The following ADARB2 variants were observed in gnomAD, a reference collection of about 807,000 sequenced individuals.
The protein encoded by ADARB2 is inactive double-stranded RNA-specific editase B2.
ADARB2 carries 25 observed loss-of-function variants against 62.2 expected under a neutral mutation model. The observed-to-expected ratio is 0.40, with a 90% CI of 0.29 to 0.56. The LOEUF (loss-of-function observed/expected upper bound fraction) is 0.56, where lower values mean the gene tolerates loss of function less well. Ranked by LOEUF, ADARB2 falls within the 20% of genes least tolerant of loss-of-function variation. ADARB2 has a pLI of 0.43. For synonymous variants in ADARB2, 572 were observed against 500.8 expected (o/e 1.14, Z -1.90); for missense variants, 1,071 against 1,077.4 (o/e 0.99, Z 0.08).
In ADARB2 at chr10:1,255,365, A is replaced by G. The variant is rs1032139935; in HGVS notation, c.1193-13066T>C. Among the ~76,000 whole-genome samples, 4 of 152,210 alleles carry G rather than the reference A, an allele frequency of 2.6e-5. No individual in the cohort carries two copies. The highest frequency in any genetic ancestry group is 9.6e-5 in the African/African-American group (4 of 41,460). ...TCGTCAGTGCAGCTGACGCTCACCA[A>G]GCCTTCTGTGCCAGGCACATGTGAG... On this transcript the variant is annotated intron_variant, in intron 4 of 9. Transcript: ENST00000381312. The surrounding 1 kb of genome is among the most constrained non-coding windows in gnomAD (Gnocchi z 4.7).
At chr10:1,485,393 C>A (rs957020587) in intron 1 of ADARB2, among the ~76,000 whole-genome samples, 3 of 152,048 alleles carry the variant, frequency 2.0e-5, no homozygotes, top group Admixed American at 2.0e-4. Context: ...TAGATCTCTA[C>A]CTAAGAGGCA....
chr10:1,553,711 G>A (rs893002431), intron 1 of ADARB2, among the ~76,000 whole-genome samples: 1 of 152,160 alleles, frequency 6.6e-6, no homozygotes, highest in African/African-American at 2.4e-5. Context: ...ATGCTTTTGA[G>A]AGCACTGCCA....
chr10:1,603,525 G>A (rs530149883), intron 1 of ADARB2, among the ~76,000 whole-genome samples: 1 of 152,022 alleles, frequency 6.6e-6, no homozygotes, highest in South Asian at 2.1e-4. Context: ...TGATTAGAAC[G>A]ATTTCCTTGG....
At chr10:1,253,798 C>T (rs866003407) in intron 4 of ADARB2, among the ~76,000 whole-genome samples, 2 of 152,096 alleles carry the variant, frequency 1.3e-5, no homozygotes, top group Non-Finnish European at 2.9e-5. Context: ...CCACTGGCCA[C>T]GTAAAGGAGG....
intron 1 of ADARB2, among the ~76,000 whole-genome samples, chr10:1,532,861 T>A (rs1397265677): frequency 6.6e-6 from 1 of 152,068 alleles, no homozygotes; most frequent in East Asian, 1.9e-4. Context: ...CTCCAGGAAC[T>A]TAAATCTTGA....
At chr10:1,554,689 C>T (rs1832675754) in intron 1 of ADARB2, among the ~76,000 whole-genome samples, 1 of 152,160 alleles carries the variant, frequency 6.6e-6, no homozygotes, top group Admixed American at 6.5e-5. Context: ...CCTGTTTTGC[C>T]TCTTATTTCT....
chr10:1,493,678 T>C (rs1831649872), intron 1 of ADARB2, among the ~76,000 whole-genome samples: 1 of 144,512 alleles, frequency 6.9e-6, no homozygotes, highest in African/African-American at 2.6e-5. Flanking sequence ...ATGTGCAAAG[T>C]AGAGATGGAA....
intron 1 of ADARB2, among the ~76,000 whole-genome samples, chr10:1,493,318 T>G (rs986247985): frequency 1.3e-5 from 2 of 152,268 alleles, no homozygotes; most frequent in Non-Finnish European, 2.9e-5. Context: ...TTTTAAGTGC[T>G]AATTTGCAGT....
At chr10:1,459,165 C>G (rs1025724015) in intron 1 of ADARB2, among the ~76,000 whole-genome samples, 2 of 152,156 alleles carry the variant, frequency 1.3e-5, no homozygotes, top group Non-Finnish European at 2.9e-5. Flanking sequence ...ACCCAGCAAT[C>G]TCATTATTAA....
At chr10:1,305,383 C>G (rs1337515249) in intron 3 of ADARB2, among the ~76,000 whole-genome samples, 1 of 151,988 alleles carries the variant, frequency 6.6e-6, no homozygotes, top group Non-Finnish European at 1.5e-5. Flanking sequence ...AGACCAGTAA[C>G]AGGATCTGAA....
intron 1 of ADARB2, among the ~76,000 whole-genome samples, chr10:1,489,840 G>T (rs1413515155): frequency 1.3e-5 from 2 of 152,152 alleles, no homozygotes; most frequent in Non-Finnish European, 2.9e-5. Context: ...ACACTCTTGG[G>T]TGTCTCTCTT....
chr10:1,609,654 G>C (rs1371561432), intron 1 of ADARB2, among the ~76,000 whole-genome samples: 3 of 152,236 alleles, frequency 2.0e-5, no homozygotes, highest in Non-Finnish European at 4.4e-5. Flanking sequence ...CTGTAATCCT[G>C]AAAGAACACC....
Position 1,529,755 on chromosome 10 carries a change from C to T in ADARB2, c.101-150595G>A, listed in dbSNP as rs78094034. Among the ~76,000 whole-genome samples the T allele has an allele frequency of 7.8e-3, 1,191 of 152,322 alleles. 23 individuals carry two copies. The highest frequency in any genetic ancestry group is 0.027 in the African/African-American group (1,136 of 41,572). The stretch of plus-strand genomic sequence containing the variant: ...CAGAAACTATTGGTTGTGAGACTTG[C>T]GGGCAGTGCTGCTGCATGTAGAGGG... On this transcript the variant is annotated intron_variant, in intron 1 of 9. Coordinates refer to ENST00000381312, the MANE Select transcript of ADARB2 (RefSeq NM_018702.4).
At chr10:1,669,465 A>G (rs1172546971) in intron 1 of ADARB2, among the ~76,000 whole-genome samples, 2 of 150,432 alleles carry the variant, frequency 1.3e-5, no homozygotes, top group African/African-American at 4.9e-5. Flanking sequence ...GGGAGACACA[A>G]ACACAGACAC....
chr10:1,265,396 A>G (rs11250372), intron 4 of ADARB2, among the ~76,000 whole-genome samples: 125,713 of 152,278 alleles, frequency 0.83, 52,069 homozygotes, highest in Middle Eastern at 0.91. Flanking sequence ...GCTAGTAAGT[A>G]TTGTAGGGGT....
chr10:1,502,779 T>C (rs1223441510), intron 1 of ADARB2, among the ~76,000 whole-genome samples: 2 of 152,206 alleles, frequency 1.3e-5, no homozygotes, highest in Admixed American at 6.5e-5. Flanking sequence ...AACACTTAGA[T>C]GGAAAAAGAA....
intron 7 of ADARB2, among the ~76,000 whole-genome samples, chr10:1,208,082 T>A (rs543279303): frequency 6.6e-6 from 1 of 152,172 alleles, no homozygotes; most frequent in East Asian, 1.9e-4. Flanking sequence ...GCTTTGCAGG[T>A]CAATTCTTAT....
At chr10:1,350,226 G>A (rs1182917611) in intron 3 of ADARB2, among the ~76,000 whole-genome samples, 3 of 152,136 alleles carry the variant, frequency 2.0e-5, no homozygotes, top group Non-Finnish European at 2.9e-5. Flanking sequence ...AGTGCCTGAC[G>A]TCCAGGCTTT....
At chr10:1,316,547 G>A (rs1432306936) in intron 3 of ADARB2, among the ~76,000 whole-genome samples, 1 of 152,142 alleles carries the variant, frequency 6.6e-6, no homozygotes, top group Admixed American at 6.5e-5. Context: ...GGGAGTCATT[G>A]GTTTTCCTCC....
Sources: gnomAD v4.1 joint callset for allele counts (sites outside exome capture counted in the v4.1 genomes callset) on GRCh38, gnomAD v4.1.1 for gene constraint, Gnocchi (gnomAD v3.1) non-coding constraint, MANE v1.5 for transcripts, NCBI Gene and HGNC (gene_info 2026-07-23, HGNC 2026-07-21) for gene names.